TVP23A: variants seen among roughly 807,000 people sequenced by gnomAD.
TVP23A encodes the protein trans-golgi network vesicle protein 23 homolog A, also known as Golgi apparatus membrane protein TVP23 homolog A.
In TVP23A, 21 loss-of-function variants were observed where a neutral mutation model predicts 31.7. The observed-to-expected ratio is 0.66, with a 90% CI of 0.47 to 0.95. The LOEUF (loss-of-function observed/expected upper bound fraction) is 0.95, where lower values mean the gene tolerates loss of function less well. Ranked by LOEUF, TVP23A falls within the 40% of genes least tolerant of loss-of-function variation. TVP23A has a pLI of 0.00. For missense variants in TVP23A, 279 were observed against 255.6 expected (o/e 1.09, Z -0.62); for synonymous variants, 104 against 96.0 (o/e 1.08, Z -0.49).
chr16:10,760,047 C>T (rs1051404632), downstream of TVP23A, among the ~76,000 whole-genome samples: 1 of 152,192 alleles, frequency 6.6e-6, no homozygotes, highest in Non-Finnish European at 1.5e-5. Flanking sequence ...AGCTACTGAG[C>T]GGTGTTTATA....
downstream of TVP23A, chr16:10,762,107 G>A: frequency 2.6e-6 from 1 of 385,968 alleles, no homozygotes. Context: ...GAATGGGGTA[G>A]AGGTTGGTGA....
At chr16:10,762,011 C>G (rs912669746), downstream of TVP23A, 2 of 603,570 alleles carry the variant, frequency 3.3e-6, no homozygotes, top group African/African-American at 1.9e-5. Flanking sequence ...GCTGGCACCC[C>G]AAGAGGCCAC....
intron 7 of TVP23A, among the ~76,000 whole-genome samples, chr16:10,769,652 AAAAAGCCCTTG>A (rs1351939038): frequency 2.6e-5 from 4 of 152,298 alleles, no homozygotes; most frequent in Non-Finnish European, 5.9e-5. Flanking sequence ...GGGTCAAATC[AAAAAGCCCTTG>A]AAGAGTCCTT....
chr16:10,770,748 G>A (rs762151895), intron 6 of TVP23A, among the ~76,000 whole-genome samples: 3 of 151,434 alleles, frequency 2.0e-5, no homozygotes, highest in Non-Finnish European at 4.4e-5. Flanking sequence ...TTATGCACCT[G>A]TAATCCCAGC....
chr16:10,782,520 T>G lies in TVP23A; in HGVS notation c.90-7424A>C, dbSNP rs148515407. ...CGTTTTTGTTTGTTTTGTTTGTTTT[T>G]AAGACAGGGTCTCACTCTGTCTCCC... is the stretch of plus-strand genomic sequence containing the variant. On this transcript the variant is annotated intron_variant, in intron 2 of 7. Coordinates refer to ENST00000299866, the MANE Select transcript of TVP23A (RefSeq NM_001079512.4). Among the ~76,000 whole-genome samples the G allele has an allele frequency of 1.4e-3, 216 of 152,230 alleles. 1 individual carries two copies. Among genetic ancestry groups the G allele is most frequent in the African/African-American group, 4.8e-3 (201 of 41,532 alleles).
intron 2 of TVP23A, among the ~76,000 whole-genome samples, chr16:10,814,166 GT>G (rs1365036604): frequency 6.6e-6 from 1 of 152,024 alleles, no homozygotes; most frequent in Non-Finnish European, 1.5e-5. Flanking sequence ...TGTGAATCTG[GT>G]TAAATAAGTC....
chr16:10,797,849 G>T (rs1230044539), intron 2 of TVP23A, among the ~76,000 whole-genome samples: 1 of 152,028 alleles, frequency 6.6e-6, no homozygotes. Flanking sequence ...GAAATGATTG[G>T]TCATGAATTG....
chr16:10,809,720 T>C (rs1006532289), intron 2 of TVP23A, among the ~76,000 whole-genome samples: 2 of 152,142 alleles, frequency 1.3e-5, no homozygotes, highest in African/African-American at 4.8e-5. Flanking sequence ...GTCACTTGGC[T>C]AGGGAGTGGT....
chr16:10,814,977 T>C (rs2034371897), intron 2 of TVP23A, among the ~76,000 whole-genome samples: 1 of 152,164 alleles, frequency 6.6e-6, no homozygotes, highest in Non-Finnish European at 1.5e-5. Context: ...AGCCTCCCCA[T>C]GGTATATCTA....
chr16:10,796,741 A>G (rs896498996), intron 2 of TVP23A, among the ~76,000 whole-genome samples: 1 of 152,100 alleles, frequency 6.6e-6, no homozygotes, highest in Non-Finnish European at 1.5e-5. Flanking sequence ...CCCGGCCCAT[A>G]AAAGGGATTT....
Position 10,818,729 on chromosome 16 carries a change from AG to A in TVP23A, c.-237del. 1 of 495,982 alleles carries A rather than the reference AG, an allele frequency of 2.0e-6. No homozygotes were observed. The highest frequency in any genetic ancestry group is 4.3e-5 in the Admixed American group (1 of 23,268). 30.7% of individuals were successfully genotyped at this position (495,982 alleles called of 1,614,324 possible). A position where few individuals can be genotyped will look rare whatever the true frequency, so the allele number is the denominator to read the frequency against. ...GGCTCGGCTCGCCGGGGACGCGCCC[AG>A]GAGAGAAAGCGGCGGCAGGGAGGCA... On this transcript the variant is annotated 5_prime_UTR_variant, in exon 1 of 8. Coordinates refer to ENST00000299866, the MANE Select transcript of TVP23A (RefSeq NM_001079512.4). This position sits in a 1 kb window ranked among gnomAD's most constrained non-coding sequence, Gnocchi z 4.7.
At chr16:10,816,873 T>A (rs1331227178) in intron 2 of TVP23A, among the ~76,000 whole-genome samples, 1 of 144,768 alleles carries the variant, frequency 6.9e-6, no homozygotes, top group Non-Finnish European at 1.5e-5. Flanking sequence ...TAAAGTACAA[T>A]AATAATAAAA....
chr16:10,761,554 C>A, exon 9 of TVP23A: 1 of 1,226,148 alleles, frequency 8.2e-7, no homozygotes, highest in Non-Finnish European at 1.2e-6. Context: ...GCTCTGCAAA[C>A]TATTTCTGCT....
chr16:10,761,264 T>C (rs1900953515), exon 9 of TVP23A: 6 of 1,077,728 alleles, frequency 5.6e-6, no homozygotes, highest in Admixed American at 2.1e-5. Context: ...TAAGGCTTTA[T>C]GATCGCAGAT....
intron 2 of TVP23A, among the ~76,000 whole-genome samples, chr16:10,806,939 A>G (rs2033974117): frequency 6.6e-6 from 1 of 152,206 alleles, no homozygotes; most frequent in Non-Finnish European, 1.5e-5. Flanking sequence ...ATCAAAGAGA[A>G]CTGAAATTTG....
rs1027273831 is a variant in TVP23A, at chr16:10,768,715, T to G, written c.*387A>C. 3.9e-6 allele frequency: 1 copy of G among 256,898 alleles called. No individual in the cohort carries two copies. Among genetic ancestry groups the G allele is most frequent in the Non-Finnish European group, 7.3e-6 (1 of 137,074 alleles). The allele number at this position is 256,898 out of a possible 1,614,324, so 15.9% of individuals were successfully genotyped here. A position where few individuals can be genotyped will look rare whatever the true frequency, so the allele number is the denominator to read the frequency against. On this transcript the variant is annotated 3_prime_UTR_variant, in exon 8 of 8. Coordinates refer to ENST00000299866, the MANE Select transcript of TVP23A (RefSeq NM_001079512.4). This position sits in a 1 kb window ranked among gnomAD's most constrained non-coding sequence, Gnocchi z 4.3. ...AGAGGCCCCAGAGTTAGGGCAGAGG[T>G]GTCAGTGTTTGTTAAAGCTGTGGTC...
intron 2 of TVP23A, among the ~76,000 whole-genome samples, chr16:10,793,935 T>G (rs371240211): frequency 0.019 from 1,738 of 91,350 alleles, 62 homozygotes; most frequent in African/African-American, 0.066. Flanking sequence ...AAAAAAAAAG[T>G]ATTTTTCACA....
intron 2 of TVP23A, among the ~76,000 whole-genome samples, chr16:10,803,540 T>A (rs996786589): frequency 6.6e-6 from 1 of 151,792 alleles, no homozygotes; most frequent in African/African-American, 2.4e-5. Flanking sequence ...GTAAACAGAG[T>A]CACAATCAAA....
At chr16:10,813,999 CAAAAAAAAA>C (rs201277067) in intron 2 of TVP23A, among the ~76,000 whole-genome samples, 9 of 49,530 alleles carry the variant, frequency 1.8e-4, no homozygotes, top group Non-Finnish European at 4.5e-4. Flanking sequence ...AACTCCATCT[CAAAAAAAAA>C]AAAAAAAAAA....
Sources: gnomAD v4.1 joint callset for allele counts (sites outside exome capture counted in the v4.1 genomes callset) on GRCh38, gnomAD v4.1.1 for gene constraint, Gnocchi (gnomAD v3.1) non-coding constraint, MANE v1.5 for transcripts, NCBI Gene and HGNC (gene_info 2026-07-23, HGNC 2026-07-21) for gene names.